The following IGSF21 variants were observed in gnomAD, a reference collection of about 807,000 sequenced individuals.
The protein encoded by IGSF21 is immunoglobulin superfamily member 21.
A neutral mutation model predicts 46.8 loss-of-function variants in IGSF21; 28 were observed. The observed-to-expected ratio is 0.60, with a 90% CI of 0.44 to 0.82. The LOEUF (loss-of-function observed/expected upper bound fraction) is 0.82. Among genes scored for constraint, IGSF21 ranks in the 40% least tolerant of loss-of-function variants. IGSF21 has a pLI of 0.00. For synonymous variants in IGSF21, 284 were observed against 273.6 expected, an observed-to-expected ratio of 1.04 and a Z score of -0.38; for missense variants, 624 against 665.5, an observed-to-expected ratio of 0.94 and a Z score of 0.69.
chr1:18,218,425 T>C (rs1482266386), intron 1 of IGSF21, among the ~76,000 whole-genome samples: 1 of 152,198 alleles, frequency 6.6e-6, no homozygotes, highest in Non-Finnish European at 1.5e-5. Context: ...ATCAAAGTAG[T>C]AATTAAACAA....
At chr1:18,318,551 A>G (rs2124591642) in intron 3 of IGSF21, among the ~76,000 whole-genome samples, 1 of 151,806 alleles carries the variant, frequency 6.6e-6, no homozygotes, top group South Asian at 2.1e-4. Flanking sequence ...CAAGGGGCTC[A>G]CTCCAGGAAT....
intron 3 of IGSF21, among the ~76,000 whole-genome samples, chr1:18,315,833 A>G (rs11260980): frequency 2.4e-5 from 1 of 41,354 alleles, no homozygotes; most frequent in Admixed American, 2.5e-4. Flanking sequence ...ATGGCTAGAT[A>G]GGTAGATGGG....
chr1:18,308,862 T>C lies in IGSF21; in HGVS notation c.305+16875T>C, dbSNP rs533889235. On this transcript the variant is annotated intron_variant, in intron 3 of 9. Transcript: ENST00000251296. ...TGCAGCCTGCAGAAGAGACCCTGGATTTCAAGGCGGGCATCAGGCTAGATC... is the reference window on the plus strand; with the variant it reads ...TGCAGCCTGCAGAAGAGACCCTGGACTTCAAGGCGGGCATCAGGCTAGATC... Among the ~76,000 whole-genome samples, 6 of 152,136 alleles carry C rather than the reference T, an allele frequency of 3.9e-5. No homozygotes were observed. The South Asian group carries it at 8.3e-4, about 21-fold the overall frequency.
intron 1 of IGSF21, among the ~76,000 whole-genome samples, chr1:18,185,559 A>G (rs1458797807): frequency 1.3e-5 from 2 of 152,184 alleles, no homozygotes; most frequent in African/African-American, 2.4e-5. Context: ...GTATTGTTAC[A>G]CTGGGCAGAT....
intron 2 of IGSF21, among the ~76,000 whole-genome samples, chr1:18,272,287 G>T (rs61174063): frequency 0.25 from 35,279 of 141,956 alleles, 4,406 homozygotes; most frequent in African/African-American, 0.34. Context: ...CACGTGAGAA[G>T]TATGAGAGCT....
At chr1:18,355,731 G>A (rs1314410012) in intron 4 of IGSF21, among the ~76,000 whole-genome samples, 1 of 152,020 alleles carries the variant, frequency 6.6e-6, no homozygotes, top group African/African-American at 2.4e-5. Flanking sequence ...TATAGAATAG[G>A]GTCGGCCTTT....
chr1:18,308,470 G>T (rs2085449851), intron 3 of IGSF21, among the ~76,000 whole-genome samples: 1 of 152,176 alleles, frequency 6.6e-6, no homozygotes, highest in African/African-American at 2.4e-5. Flanking sequence ...AAGAGTTTAG[G>T]TTTGCAGAGC....
At chr1:18,124,242 T>C (rs2086257520) in intron 1 of IGSF21, among the ~76,000 whole-genome samples, 1 of 152,204 alleles carries the variant, frequency 6.6e-6, no homozygotes, top group Non-Finnish European at 1.5e-5. Context: ...ACCTGCAAAG[T>C]GATAACAGTA....
In IGSF21 at chr1:18,320,612, G is replaced by A. The variant is rs76635502; in HGVS notation, c.306-14280G>A. ...CGCAAGGAATGCTCAGGTTTGCTTT[G>A]CCCAACTGGAGTCATCGGTCCTGCT... On this transcript the variant is annotated intron_variant, in intron 3 of 9. Transcript: ENST00000251296. Among the ~76,000 whole-genome samples, 12 of 152,318 alleles carry A rather than the reference G, an allele frequency of 7.9e-5. No individual in the cohort carries two copies. In the East Asian group the frequency reaches 2.1e-3, roughly 27 times the overall value.
In IGSF21 at chr1:18,240,578, A is replaced by G. The variant is rs562719240; in HGVS notation, c.183+12568A>G. On this transcript the variant is annotated intron_variant, in intron 2 of 9. Transcript: ENST00000251296. ...CTCCTGAGTGTCTAGCATGATGCTGAGCACATAGCTTAGAGGATGGATGGT... is the reference window on the plus strand; with the variant it reads ...CTCCTGAGTGTCTAGCATGATGCTGGGCACATAGCTTAGAGGATGGATGGT... Among the ~76,000 whole-genome samples the G allele has an allele frequency of 3.3e-5, 5 of 152,306 alleles. No individual in the cohort carries two copies. In the South Asian group the frequency reaches 1.0e-3, roughly 32 times the overall value.
intron 2 of IGSF21, among the ~76,000 whole-genome samples, chr1:18,268,288 G>A (rs1177897105): frequency 1.3e-5 from 2 of 152,236 alleles, no homozygotes; most frequent in African/African-American, 4.8e-5. Context: ...AGCCAGCTCT[G>A]GGACACAGGA....
chr1:18,228,697 A>T (rs1164110238), intron 2 of IGSF21, among the ~76,000 whole-genome samples: 1 of 152,192 alleles, frequency 6.6e-6, no homozygotes, highest in East Asian at 1.9e-4. Flanking sequence ...GGGGGCAGTG[A>T]TGCTTTTCTT....
intron 4 of IGSF21, among the ~76,000 whole-genome samples, chr1:18,351,947 C>T (rs775347824): frequency 1.3e-4 from 20 of 152,302 alleles, no homozygotes; most frequent in Non-Finnish European, 2.5e-4. Flanking sequence ...CAGCAAAACT[C>T]CAGGAGCAGA....
At chr1:18,117,433 G>A (rs1432443960) in intron 1 of IGSF21, among the ~76,000 whole-genome samples, 2 of 152,190 alleles carry the variant, frequency 1.3e-5, no homozygotes, top group East Asian at 3.9e-4. Context: ...AGTCTAACCA[G>A]CTTTCAGATT....
At chr1:18,222,942 T>G (rs1460937881) in intron 1 of IGSF21, among the ~76,000 whole-genome samples, 1 of 152,204 alleles carries the variant, frequency 6.6e-6, no homozygotes, top group Non-Finnish European at 1.5e-5. Context: ...CAGGTGTTGA[T>G]TGGTGCTGTC....
chr1:18,342,066 T>TTTGG (rs1276465114), intron 4 of IGSF21, among the ~76,000 whole-genome samples: 1 of 124,336 alleles, frequency 8.0e-6, no homozygotes, highest in African/African-American at 2.6e-5. Flanking sequence ...TTTTTTTTTT[T>TTTGG]TTGTTTGTTT....
chr1:18,308,758 G>T (rs1017602897), intron 3 of IGSF21, among the ~76,000 whole-genome samples: 1 of 152,192 alleles, frequency 6.6e-6, no homozygotes, highest in Middle Eastern at 3.2e-3. Context: ...CCTGAGTGTG[G>T]TGGGAAGGCA....
intron 1 of IGSF21, among the ~76,000 whole-genome samples, chr1:18,160,055 T>C (rs2086603623): frequency 6.6e-6 from 1 of 152,156 alleles, no homozygotes; most frequent in Non-Finnish European, 1.5e-5. Flanking sequence ...CTTGACGTGG[T>C]CCAGGTCCTC....
intron 3 of IGSF21, among the ~76,000 whole-genome samples, chr1:18,327,928 C>T (rs1023397382): frequency 6.6e-6 from 1 of 152,076 alleles, no homozygotes; most frequent in African/African-American, 2.4e-5. Flanking sequence ...GGCAAGGATC[C>T]CAGGAGACAT....
Sources: allele counts gnomAD v4.1 joint callset (sites outside exome capture counted in the v4.1 genomes callset), GRCh38; gene constraint gnomAD v4.1.1; transcripts MANE v1.5; gene names NCBI Gene and HGNC (gene_info 2026-07-23, HGNC 2026-07-21).